Variants in KXD1 observed in about 807,000 individuals in gnomAD.
The protein encoded by KXD1 is kxDL motif-containing protein 1.
Under a neutral mutation model 12.1 loss-of-function variants are expected in KXD1, and 5 were observed. The ratio of observed to expected loss-of-function variants is 0.41; its 90% CI spans 0.22 to 0.87. The LOEUF (loss-of-function observed/expected upper bound fraction) is 0.87. Among genes scored for constraint, KXD1 ranks in the 40% least tolerant of loss-of-function variants. The pLI, the probability that KXD1 is intolerant of heterozygous loss-of-function variation, is 0.31. For missense variants in KXD1, 193 were observed against 244.9 expected (o/e 0.79, Z 1.41); for synonymous variants, 98 against 100.5 (o/e 0.98, Z 0.15).
intron 2 of KXD1, among the ~76,000 whole-genome samples, chr19:18,563,743 C>G (rs951615432): frequency 7.2e-5 from 11 of 152,196 alleles, no homozygotes; most frequent in African/African-American, 2.6e-4. Context: ...ACTTCGTGAT[C>G]CGCCCGCCTC....
intron 2 of KXD1, among the ~76,000 whole-genome samples, chr19:18,563,528 G>A (rs182384027): frequency 1.3e-5 from 2 of 151,488 alleles, no homozygotes; most frequent in South Asian, 4.2e-4. Flanking sequence ...TTTTTGTGAC[G>A]GAGTCTCGCT....
At chr19:18,564,604 C>T (rs964458374) in intron 2 of KXD1, among the ~76,000 whole-genome samples, 39 of 152,168 alleles carry the variant, frequency 2.6e-4, no homozygotes, top group African/African-American at 9.2e-4. Flanking sequence ...GCCTGGGTGA[C>T]GAAGCAAGAC....
intron 3 of KXD1, among the ~76,000 whole-genome samples, chr19:18,565,511 C>T (rs988793695): frequency 3.3e-5 from 5 of 151,858 alleles, no homozygotes; most frequent in East Asian, 1.9e-4. Flanking sequence ...GGATTACAGG[C>T]GTGAGCCACT....
In KXD1 at chr19:18,564,910, TCAA is replaced by T; in HGVS notation, c.148_150del (p.Asn50del). The T allele has an allele frequency of 6.2e-7, 1 of 1,613,810 alleles. No homozygotes were observed. Among genetic ancestry groups the T allele is most frequent in the Non-Finnish European group, 8.5e-7 (1 of 1,180,030 alleles). On this transcript the variant is annotated inframe_deletion, in exon 3 of 5. Coordinates refer to ENST00000222307, the MANE Select transcript of KXD1 (RefSeq NM_024069.4). ...AAGACCAATGAGATGCTGCTCAACT[TCAA>T]CAACCTGTCCAGTGCCCGCCTGCAG... is the stretch of plus-strand genomic sequence containing the variant.
chr19:18,558,616 A>G (rs1188439600), intron 1 of KXD1: 1 of 152,162 alleles, frequency 6.6e-6, no homozygotes, highest in Non-Finnish European at 1.5e-5. Context: ...TGAGATCTTC[A>G]TTCTACCTTA....
At chr19:18,567,211 A>C in intron 4 of KXD1, 33 bp downstream of exon 4, 1 of 1,610,890 alleles carries the variant, frequency 6.2e-7, no homozygotes, top group Non-Finnish European at 8.5e-7. Context: ...GCTCCCGAGC[A>C]CGTCAGCACT....
chr19:18,561,090 C>A (rs541167405), intron 1 of KXD1, among the ~76,000 whole-genome samples: 61 of 152,016 alleles, frequency 4.0e-4, no homozygotes, highest in Non-Finnish European at 8.8e-5. Context: ...AAGAGGTGAA[C>A]CAGTGAAGCA....
In KXD1 at chr19:18,568,582, C is replaced by G. The variant is rs1426358662; in HGVS notation, c.482C>G (p.Ala161Gly). 1 of 1,613,114 alleles carries G rather than the reference C, an allele frequency of 6.2e-7. No homozygotes were observed. The highest frequency in any genetic ancestry group is 8.5e-7 in the Non-Finnish European group (1 of 1,180,044). Residue 161 changes from alanine to glycine, a missense_variant, in exon 5 of 5, where the codon GCC becomes GGC. Transcript: ENST00000222307. ...DLSHVQPGSP[A>G]INGRSQTDDE... ...TCCCATGTCCAGCCTGGCTCCCCAG[C>G]CATCAACGGCCGCAGCCAGACAGAT...
chr19:18,562,932 G>C (rs1159562992), intron 2 of KXD1, among the ~76,000 whole-genome samples: 1 of 152,248 alleles, frequency 6.6e-6, no homozygotes, highest in Non-Finnish European at 1.5e-5. Context: ...ATTCAGGCCT[G>C]CCCTGTGGGG....
chr19:18,565,467 C>G (rs528270045), intron 3 of KXD1, among the ~76,000 whole-genome samples: 1 of 152,082 alleles, frequency 6.6e-6, no homozygotes, highest in African/African-American at 2.4e-5. Flanking sequence ...CTCCTGACCT[C>G]GTGATCCAGC....
chr19:18,568,824 C>G lies in KXD1; in HGVS notation c.*193C>G. Reference sequence around the variant, plus strand: ...GGTCTTTAATTCTGGCTCCTTCCTTCCTCAGAACATCTCTATTCTGCAAGA... The same window carrying G: ...GGTCTTTAATTCTGGCTCCTTCCTTGCTCAGAACATCTCTATTCTGCAAGA... On this transcript the variant is annotated 3_prime_UTR_variant, in exon 5 of 5. Transcript: ENST00000222307. 1.7e-6 allele frequency: 1 copy of G among 594,034 alleles called. No homozygotes were observed. The highest frequency in any genetic ancestry group is 3.0e-6 in the Non-Finnish European group (1 of 333,484). The allele number at this position is 594,034 out of a possible 1,614,324, so 36.8% of individuals were successfully genotyped here.
In KXD1 at chr19:18,565,228, GA is replaced by G. The variant is rs1471465737; in HGVS notation, c.254+208del. ...ACTGATTGATTAATTGATCGAGACA[GA>G]GTTTTTTTTTTTTTTTTGGAGACGG... On this transcript the variant is annotated intron_variant, in intron 3 of 4. Transcript: ENST00000222307. 29 of 1,194,418 alleles carry G rather than the reference GA, an allele frequency of 2.4e-5. No individual in the cohort carries two copies. In the South Asian group the frequency reaches 5.0e-4, roughly 21 times the overall value. The allele number at this position is 1,194,418 out of a possible 1,614,324, so 74.0% of individuals were successfully genotyped here.
intron 4 of KXD1, 129 bp downstream of exon 4, chr19:18,567,307 TG>T (rs747811261): frequency 4.6e-5 from 43 of 941,154 alleles, no homozygotes; most frequent in Non-Finnish European, 1.3e-5. Flanking sequence ...TGGGGAAACC[TG>T]GGGTGGGGGC....
At position 18,568,495 on chromosome 19, in the gene KXD1, G is replaced by A; in HGVS notation, c.395G>A (p.Gly132Asp). 5.0e-6 allele frequency: 8 copies of A among 1,614,088 alleles called. No individual in the cohort carries two copies. Among genetic ancestry groups the A allele is most frequent in the Non-Finnish European group, 6.8e-6 (8 of 1,180,024 alleles). Reference protein sequence around the residue: ...TTIATSEQSTGSCDTSPDTVS... With the variant: ...TTIATSEQSTDSCDTSPDTVS... ...ATTGCCACCTCAGAACAGAGCACGG[G>A]CTCATGTGACACCAGCCCCGACACC... Residue 132 changes from glycine to aspartate, a missense_variant, in exon 5 of 5, where the codon GGC becomes GAC. Transcript: ENST00000222307.
Position 18,568,684 on chromosome 19 carries a change from C to T in KXD1, c.*53C>T. The T allele has an allele frequency of 7.2e-7, 1 of 1,389,912 alleles. No homozygotes were observed. The highest frequency in any genetic ancestry group is 1.2e-5 in the South Asian group (1 of 83,066). The allele number at this position is 1,389,912 out of a possible 1,614,324, so 86.1% of individuals were successfully genotyped here. ...CTCAGGGCAGCAGCATACAAGGTGG[C>T]AGCGGGTAACCCTGCCTTGTTCTGT... On this transcript the variant is annotated 3_prime_UTR_variant, in exon 5 of 5. Coordinates refer to ENST00000222307, the MANE Select transcript of KXD1 (RefSeq NM_024069.4).
intron 1 of KXD1, chr19:18,559,929 CTCTCTTTG>C (rs1014403036): frequency 6.6e-6 from 1 of 151,480 alleles, no homozygotes; most frequent in Non-Finnish European, 1.5e-5. Flanking sequence ...CTCTCTCTTT[CTCTCTTTG>C]TCTCTCTCTC....
chr19:18,562,998 T>C (rs1974997767), intron 2 of KXD1, among the ~76,000 whole-genome samples: 1 of 152,274 alleles, frequency 6.6e-6, no homozygotes, highest in Non-Finnish European at 1.5e-5. Flanking sequence ...CCTTTGAATG[T>C]GGGCCAACAC....
At chr19:18,559,046 G>A (rs1977030276) in intron 1 of KXD1, 2 of 135,422 alleles carry the variant, frequency 1.5e-5, no homozygotes, top group South Asian at 4.8e-4. Context: ...AGAATGCAGT[G>A]GCTTGATTTT....
At chr19:18,564,577 C>T (rs753187290) in intron 2 of KXD1, among the ~76,000 whole-genome samples, 3 of 152,100 alleles carry the variant, frequency 2.0e-5, no homozygotes, top group Non-Finnish European at 4.4e-5. Context: ...GAGCCGAGAT[C>T]GCGCCACTGC....
Sources: gnomAD v4.1 joint callset for allele counts (sites outside exome capture counted in the v4.1 genomes callset) on GRCh38, gnomAD v4.1.1 for gene constraint, MANE v1.5 for transcripts, NCBI Gene and HGNC (gene_info 2026-07-23, HGNC 2026-07-21) for gene names.